The following TENM1 variants were observed in gnomAD, a reference collection of about 807,000 sequenced individuals.
TENM1 encodes the protein teneurin transmembrane protein 1.
TENM1 carries 35 observed loss-of-function variants against 174.8 expected under a neutral mutation model. That is an observed-to-expected ratio of 0.20 (90% CI 0.15 to 0.27). The LOEUF is 0.27. Ranked by LOEUF, TENM1 falls within the 10% of genes least tolerant of loss-of-function variation. TENM1 has a pLI of 1.00. For synonymous variants in TENM1, 781 were observed against 798.7 expected (o/e 0.98, Z 0.37); for missense variants, 1,633 against 2,130.1 (o/e 0.77, Z 4.59).
At chrX:124,602,752 A>G (rs184663374) in intron 11 of TENM1, among the ~76,000 whole-genome samples, 78 of 110,702 alleles carry the variant, frequency 7.0e-4, no homozygotes, top group Non-Finnish European at 1.3e-3. Flanking sequence ...AAATGATACA[A>G]CCCTTTCCCA....
chrX:125,086,558 T>C, the TENM1 span, among the ~76,000 whole-genome samples: 1,854 of 111,206 alleles, frequency 0.017, 36 homozygotes, highest in African/African-American at 0.056. Context: ...GCTGGAATAA[T>C]TCCTAAAATT....
intron 4 of TENM1, among the ~76,000 whole-genome samples, chrX:124,724,468 G>A (rs2053398510): frequency 8.9e-6 from 1 of 112,050 alleles, no homozygotes; most frequent in Non-Finnish European, 1.9e-5. Flanking sequence ...GAAGTGGGGA[G>A]GTTGCTATAG....
At chrX:124,491,573 C>T (rs5958505) in intron 20 of TENM1, among the ~76,000 whole-genome samples, 4,782 of 111,310 alleles carry the variant, frequency 0.043, 250 homozygotes, top group African/African-American at 0.15. Flanking sequence ...TGCATACATA[C>T]GAATGAAATC....
chrX:125,046,634 G>T, the TENM1 span, among the ~76,000 whole-genome samples: 1 of 111,958 alleles, frequency 8.9e-6, no homozygotes, highest in South Asian at 3.7e-4. Flanking sequence ...GGTCAAAAAC[G>T]AACTGGCAAG....
the TENM1 span, among the ~76,000 whole-genome samples, chrX:125,155,038 CT>C: frequency 9.0e-6 from 1 of 111,662 alleles, no homozygotes; most frequent in Non-Finnish European, 1.9e-5. Flanking sequence ...GGGCAGCCTG[CT>C]TTTATTCTCT....
the TENM1 span, among the ~76,000 whole-genome samples, chrX:125,114,004 A>T: frequency 1.8e-5 from 2 of 111,270 alleles, no homozygotes; most frequent in African/African-American, 6.5e-5. Flanking sequence ...CGACCACATA[A>T]TTAGAAGTAA....
chrX:124,712,939 G>C (rs769754651), intron 4 of TENM1, among the ~76,000 whole-genome samples: 1 of 111,992 alleles, frequency 8.9e-6, no homozygotes, highest in South Asian at 3.7e-4. Flanking sequence ...GAGTTGTTTT[G>C]TGGAAAAGAG....
At chrX:124,641,150 G>A (rs1264359328) in intron 11 of TENM1, among the ~76,000 whole-genome samples, 1 of 110,860 alleles carries the variant, frequency 9.0e-6, no homozygotes, top group Non-Finnish European at 1.9e-5. Context: ...GGTAAGGAGA[G>A]CACATAGATT....
intron 4 of TENM1, among the ~76,000 whole-genome samples, chrX:124,708,690 C>A (rs2052970246): frequency 9.0e-6 from 1 of 110,866 alleles, no homozygotes; most frequent in Non-Finnish European, 1.9e-5. Flanking sequence ...AAAAGGCAGG[C>A]TTCAAAAGAG....
chrX:124,546,360 T>TA (rs1569299436), intron 15 of TENM1, among the ~76,000 whole-genome samples: 2 of 111,889 alleles, frequency 1.8e-5, no homozygotes, highest in East Asian at 2.8e-4. Flanking sequence ...AAGCTTATTT[T>TA]AAAAAAATTA....
intron 23 of TENM1, among the ~76,000 whole-genome samples, chrX:124,445,074 T>C (rs1427820151): frequency 8.9e-6 from 1 of 111,794 alleles, no homozygotes; most frequent in Non-Finnish European, 1.9e-5. Context: ...ATAATACCTA[T>C]CTTGAAGGAT....
chrX:124,627,346 A>C (rs1242048376), intron 11 of TENM1, among the ~76,000 whole-genome samples: 1 of 112,383 alleles, frequency 8.9e-6, no homozygotes, highest in Admixed American at 9.5e-5. Flanking sequence ...TAATGTGGTG[A>C]CTAGCAAAAA....
At chrX:124,852,080 G>A (rs1040623147) in intron 3 of TENM1, among the ~76,000 whole-genome samples, 5 of 110,851 alleles carry the variant, frequency 4.5e-5, no homozygotes, top group South Asian at 3.8e-4. Context: ...AGAAGCTGTC[G>A]GTCTGGAGTT....
chrX:125,053,838 A>G, the TENM1 span, among the ~76,000 whole-genome samples: 1 of 111,484 alleles, frequency 9.0e-6, no homozygotes, highest in Non-Finnish European at 1.9e-5. Flanking sequence ...GACACAGACA[A>G]GTTAAGTAAA....
At chrX:124,805,649 C>T (rs1320021374) in intron 3 of TENM1, among the ~76,000 whole-genome samples, 5 of 112,093 alleles carry the variant, frequency 4.5e-5, no homozygotes. Context: ...CCTCAGCAAC[C>T]ATGGGGCTTC....
chrX:124,705,318 CA>C lies in TENM1; in HGVS notation c.777-68del, dbSNP rs2052874581. 5.8e-6 allele frequency: 5 copies of C among 854,801 alleles called. No homozygotes were observed. The South Asian group carries it at 1.3e-4, about 21-fold the overall frequency. 70.4% of individuals were successfully genotyped at this position (854,801 alleles called of 1,213,427 possible). A position where few individuals can be genotyped will look rare whatever the true frequency, so the allele number is the denominator to read the frequency against. The stretch of plus-strand genomic sequence containing the variant: ...CCAGTTGCTACAAAAACACAAACTC[CA>C]TTAATTTCAAACAATCATGCTATAG... On this transcript the variant is annotated intron_variant, in intron 4 of 31. Coordinates refer to ENST00000422452, the Ensembl canonical transcript of TENM1.
exon 32 of TENM1, chrX:124,378,590 G>A (rs1369139846): frequency 8.9e-6 from 1 of 112,070 alleles, no homozygotes; most frequent in Admixed American, 9.5e-5. Flanking sequence ...AATATATCAA[G>A]CTGGTGTGTT....
intron 15 of TENM1, among the ~76,000 whole-genome samples, chrX:124,545,424 T>C (rs1348303595): frequency 8.9e-6 from 1 of 112,299 alleles, no homozygotes; most frequent in Non-Finnish European, 1.9e-5. Context: ...GACTTGTCTC[T>C]TGTCTCTCTT....
chrX:124,643,001 A>T (rs1432492770), intron 10 of TENM1, among the ~76,000 whole-genome samples: 2 of 111,785 alleles, frequency 1.8e-5, no homozygotes, highest in Non-Finnish European at 3.8e-5. Flanking sequence ...ACTAAGCACT[A>T]TTATAATTGG....
Sources: allele counts gnomAD v4.1 joint callset (sites outside exome capture counted in the v4.1 genomes callset), GRCh38; gene constraint gnomAD v4.1.1; transcripts MANE v1.5; gene names NCBI Gene and HGNC (gene_info 2026-07-23, HGNC 2026-07-21).